The following PCDH15 variants were observed in gnomAD, a reference collection of about 807,000 sequenced individuals.
The protein encoded by PCDH15 is protocadherin related 15.
PCDH15 carries 129 observed loss-of-function variants against 178.5 expected under a neutral mutation model. That is an observed-to-expected ratio of 0.72 (90% CI 0.63 to 0.84). PCDH15 has a LOEUF of 0.84. PCDH15 is among the 40% of genes least tolerant of loss of function. PCDH15 has a pLI of 0.00. For synonymous variants in PCDH15, 800 were observed against 732.0 expected (o/e 1.09, Z -1.50); for missense variants, 2,230 against 2,099.9 (o/e 1.06, Z -1.21).
At chr10:54,299,667 G>A (rs2060030469) in intron 8 of PCDH15, among the ~76,000 whole-genome samples, 1 of 152,188 alleles carries the variant, frequency 6.6e-6, no homozygotes, top group African/African-American at 2.4e-5. Flanking sequence ...CTCCCTTCAG[G>A]ACAGGAGGAT....
chr10:54,198,882 C>T (rs2049957841), intron 10 of PCDH15, among the ~76,000 whole-genome samples: 1 of 152,080 alleles, frequency 6.6e-6, no homozygotes. Flanking sequence ...CACCCAAACA[C>T]ACACAATATA....
chr10:53,862,372 T>C (rs1041175949), intron 27 of PCDH15, among the ~76,000 whole-genome samples: 1 of 152,130 alleles, frequency 6.6e-6, no homozygotes, highest in Non-Finnish European at 1.5e-5. Context: ...ATTGATTTTT[T>C]ACACGTGCAT....
chr10:55,255,451 C>A (rs554358113), intron 1 of PCDH15, among the ~76,000 whole-genome samples: 1 of 152,278 alleles, frequency 6.6e-6, no homozygotes, highest in South Asian at 2.1e-4. Flanking sequence ...GATTTATAAT[C>A]CCTTGGGTAT....
intron 14 of PCDH15, among the ~76,000 whole-genome samples, chr10:54,152,419 G>C (rs2044630311): frequency 6.6e-6 from 1 of 151,264 alleles, no homozygotes; most frequent in Non-Finnish European, 1.5e-5. Flanking sequence ...TTCTTCCATA[G>C]TTTTATACTT....
At chr10:54,152,449 C>A (rs1194194639) in intron 14 of PCDH15, among the ~76,000 whole-genome samples, 1 of 150,994 alleles carries the variant, frequency 6.6e-6, no homozygotes, top group Non-Finnish European at 1.5e-5. Context: ...TATTACATAA[C>A]TGTGAAAAAA....
At chr10:53,967,362 A>T (rs1313701514) in intron 21 of PCDH15, among the ~76,000 whole-genome samples, 1 of 152,218 alleles carries the variant, frequency 6.6e-6, no homozygotes, top group Non-Finnish European at 1.5e-5. Flanking sequence ...AGTCTTGGAC[A>T]GTTCTTTATA....
chr10:54,199,514 G>T (rs970091596), intron 10 of PCDH15, among the ~76,000 whole-genome samples: 3 of 150,278 alleles, frequency 2.0e-5, no homozygotes, highest in African/African-American at 2.4e-5. Flanking sequence ...AAAATATTGA[G>T]ATAAATACTT....
At chr10:54,967,734 G>C (rs1045022193) in intron 2 of PCDH15, among the ~76,000 whole-genome samples, 1 of 152,142 alleles carries the variant, frequency 6.6e-6, no homozygotes, top group African/African-American at 2.4e-5. Flanking sequence ...CAGACTGAAT[G>C]CTTTGAATAA....
At chr10:54,269,359 T>C (rs1454890660) in intron 8 of PCDH15, among the ~76,000 whole-genome samples, 2 of 151,968 alleles carry the variant, frequency 1.3e-5, no homozygotes, top group African/African-American at 4.8e-5. Flanking sequence ...ACAATTAATA[T>C]AGGTTAATGA....
intron 2 of PCDH15, among the ~76,000 whole-genome samples, chr10:55,355,143 C>T (rs139404395): frequency 6.6e-6 from 1 of 152,070 alleles, no homozygotes; most frequent in East Asian, 1.9e-4. Flanking sequence ...ACTTTACTTA[C>T]TCATTGCCCC....
chr10:54,750,011 T>C (rs1223688305), intron 1 of PCDH15, among the ~76,000 whole-genome samples: 1 of 151,938 alleles, frequency 6.6e-6, no homozygotes, highest in Non-Finnish European at 1.5e-5. Flanking sequence ...GGAGGGGTCT[T>C]ACTACTCTCA....
intron 1 of PCDH15, among the ~76,000 whole-genome samples, chr10:55,179,961 G>T (rs1839596513): frequency 1.3e-5 from 2 of 152,022 alleles, no homozygotes; most frequent in Admixed American, 6.6e-5. Flanking sequence ...AAGATACAAA[G>T]AATAATAAAC....
At chr10:55,121,365 G>GT (rs1008820049) in intron 2 of PCDH15, among the ~76,000 whole-genome samples, 1 of 149,298 alleles carries the variant, frequency 6.7e-6, no homozygotes, top group Non-Finnish European at 1.5e-5. Flanking sequence ...AGCTGGGGGG[G>GT]GGCAATTTGC....
chr10:53,814,096 T>A (rs1392492525), intron 35 of PCDH15, among the ~76,000 whole-genome samples: 3 of 152,174 alleles, frequency 2.0e-5, no homozygotes, highest in Non-Finnish European at 4.4e-5. Flanking sequence ...AAACGTTTCC[T>A]GGAGGTAAGC....
At chr10:53,828,611 A>G (rs1232804375) in intron 30 of PCDH15, 38 bp from the exon 31 acceptor site, 1 of 1,483,422 alleles carries the variant, frequency 6.7e-7, no homozygotes, top group Non-Finnish European at 9.4e-7. Context: ...ATAGAAAGCT[A>G]CATTAGAACT....
intron 11 of PCDH15, among the ~76,000 whole-genome samples, chr10:54,191,668 G>A (rs1303175932): frequency 6.6e-6 from 1 of 150,930 alleles, no homozygotes; most frequent in Non-Finnish European, 1.5e-5. Flanking sequence ...CTGTAAACCC[G>A]AGCAAGGTGG....
intron 2 of PCDH15, among the ~76,000 whole-genome samples, chr10:55,085,524 C>T (rs963299374): frequency 1.3e-5 from 2 of 151,738 alleles, no homozygotes; most frequent in Admixed American, 6.6e-5. Context: ...AGGAGAAATG[C>T]TTGAGGTGAT....
chr10:55,189,443 C>T (rs1354175049), intron 1 of PCDH15, among the ~76,000 whole-genome samples: 1 of 151,776 alleles, frequency 6.6e-6, no homozygotes, highest in Non-Finnish European at 1.5e-5. Flanking sequence ...CAAACCATTT[C>T]TTGCTATAGA....
intron 3 of PCDH15, among the ~76,000 whole-genome samples, chr10:54,842,067 G>A (rs554678311): frequency 1.1e-4 from 17 of 151,828 alleles, no homozygotes; most frequent in African/African-American, 3.6e-4. Flanking sequence ...TAGTTATATC[G>A]AGGAACTTGA....
Sources: allele counts gnomAD v4.1 joint callset (sites outside exome capture counted in the v4.1 genomes callset), GRCh38; gene constraint gnomAD v4.1.1; transcripts MANE v1.5; gene names NCBI Gene and HGNC (gene_info 2026-07-23, HGNC 2026-07-21).